The following EYA1 variants were observed in gnomAD, a reference collection of about 807,000 sequenced individuals.
EYA1 encodes the protein EYA transcriptional coactivator and phosphatase 1.
Under a neutral mutation model 82.0 loss-of-function variants are expected in EYA1, and 16 were observed. The ratio of observed to expected loss-of-function variants is 0.20; its 90% CI spans 0.13 to 0.30. The LOEUF is 0.30. EYA1 is among the 10% of genes least tolerant of loss of function. The probability of loss-of-function intolerance (pLI) is 1.00; values close to 1 mark genes in which losing one functional copy is unlikely to be tolerated. For synonymous variants in EYA1, 261 were observed against 264.4 expected, an observed-to-expected ratio of 0.99 and a Z score of 0.12; for missense variants, 633 against 730.7, an observed-to-expected ratio of 0.87 and a Z score of 1.54.
intron 11 of EYA1, among the ~76,000 whole-genome samples, chr8:71,268,529 C>T (rs1450471580): frequency 6.6e-6 from 1 of 152,156 alleles, no homozygotes; most frequent in Non-Finnish European, 1.5e-5. Flanking sequence ...GCAGTAGAGA[C>T]CATTTGGCTG....
At chr8:71,286,887 C>G (rs1319047540) in intron 9 of EYA1, among the ~76,000 whole-genome samples, 2 of 148,846 alleles carry the variant, frequency 1.3e-5, no homozygotes, top group East Asian at 2.0e-4. Context: ...ACTGCAACCT[C>G]TGCCTCCTGG....
At chr8:71,465,905 T>G (rs1808738054) in intron 2 of EYA1, among the ~76,000 whole-genome samples, 1 of 152,122 alleles carries the variant, frequency 6.6e-6, no homozygotes, top group Admixed American at 6.5e-5. Flanking sequence ...ATTAGTTACC[T>G]ATAGTTTCCA....
chr8:71,331,283 C>CATAT (rs1290033969), intron 4 of EYA1, among the ~76,000 whole-genome samples: 75 of 113,694 alleles, frequency 6.6e-4, no homozygotes, highest in African/African-American at 2.2e-3. Context: ...CACACACACA[C>CATAT]ACATATATAT....
chr8:71,298,313 G>T lies in EYA1; in HGVS notation c.826+734C>A, dbSNP rs1819809118. ...GATAATAGCTTATTTTGTAATCCATGAAAGGTATGATTAACTCTTTAAAAA... is the reference window on the plus strand; with the variant it reads ...GATAATAGCTTATTTTGTAATCCATTAAAGGTATGATTAACTCTTTAAAAA... On this transcript the variant is annotated intron_variant, in intron 9 of 17. Transcript: ENST00000340726. Among the ~76,000 whole-genome samples, 4 of 152,144 alleles carry T rather than the reference G, an allele frequency of 2.6e-5. No individual in the cohort carries two copies. The South Asian group carries it at 8.3e-4, about 32-fold the overall frequency.
At chr8:71,537,116 T>G (rs1814768290) in intron 1 of EYA1, among the ~76,000 whole-genome samples, 1 of 152,220 alleles carries the variant, frequency 6.6e-6, no homozygotes, top group Non-Finnish European at 1.5e-5. Context: ...TTGCTCAACA[T>G]TATCAATGCT....
At position 71,254,027 on chromosome 8, in the gene EYA1, T is replaced by C. The variant is rs192556266; in HGVS notation, c.1051-9335A>G. 7.2e-5 allele frequency among the ~76,000 whole-genome samples: 11 copies of C among 152,220 alleles called. No individual in the cohort carries two copies. The East Asian group carries it at 2.1e-3, about 29-fold the overall frequency. ...TGGCAGCAAGGCTACAGATATTTGA[T>C]TCAGATCAATTAAGAATCTGTGGTT... On this transcript the variant is annotated intron_variant, in intron 11 of 17. Transcript: ENST00000340726.
intron 3 of EYA1, among the ~76,000 whole-genome samples, chr8:71,346,450 A>ATATC (rs1554561633): frequency 3.7e-5 from 5 of 134,836 alleles, no homozygotes; most frequent in African/African-American, 1.2e-4. Context: ...ATATATATAT[A>ATATC]TATATCTATA....
At chr8:71,335,844 T>A (rs184588387) in intron 3 of EYA1, among the ~76,000 whole-genome samples, 114 of 152,052 alleles carry the variant, frequency 7.5e-4, no homozygotes, top group Middle Eastern at 6.8e-3. Flanking sequence ...CCCATACACA[T>A]AAAGCAATCG....
intron 11 of EYA1, among the ~76,000 whole-genome samples, chr8:71,265,481 C>A (rs1417417844): frequency 6.6e-6 from 1 of 152,154 alleles, no homozygotes; most frequent in African/African-American, 2.4e-5. Flanking sequence ...TTTTTAAGAT[C>A]CATTCTAGCC....
In EYA1 at chr8:71,440,450, A is replaced by G. The variant is rs78735468; in HGVS notation, c.34-83939T>C. On this transcript the variant is annotated intron_variant, in intron 2 of 18. Transcript: ENST00000643681. Reference sequence around the variant, plus strand: ...GAGGACGTTAGGAGGAAGTCTTTATATGACTTAACTAATTAGACATGGGAA... The same window carrying G: ...GAGGACGTTAGGAGGAAGTCTTTATGTGACTTAACTAATTAGACATGGGAA... Among the ~76,000 whole-genome samples, 506 of 152,298 alleles carry G rather than the reference A, an allele frequency of 3.3e-3. 7 individuals carry two copies. Among genetic ancestry groups the G allele is most frequent in the African/African-American group, 0.012 (488 of 41,552 alleles).
chr8:71,355,016 A>G, intron 2 of EYA1, 107 bp from the exon 3 acceptor site: 1 of 1,104,090 alleles, frequency 9.1e-7, no homozygotes, highest in Non-Finnish European at 1.4e-6. Flanking sequence ...CAAAAGTCCC[A>G]TTGTATCTAT....
intron 2 of EYA1, among the ~76,000 whole-genome samples, chr8:71,407,128 C>A (rs1200590430): frequency 5.5e-5 from 7 of 127,564 alleles, no homozygotes; most frequent in Non-Finnish European, 1.2e-4. Context: ...ACACCTCACA[C>A]GGCAGGGTAT....
chr8:71,199,556 C>A, intron 17 of EYA1, 136 bp from the exon 18 acceptor site: 1 of 693,772 alleles, frequency 1.4e-6, no homozygotes, highest in Non-Finnish European at 2.6e-6. Flanking sequence ...AACATCACAT[C>A]TGTTTAAAAC....
intron 2 of EYA1, among the ~76,000 whole-genome samples, chr8:71,452,343 G>C (rs1377417041): frequency 2.0e-5 from 3 of 152,322 alleles, no homozygotes; most frequent in Middle Eastern, 3.4e-3. Context: ...ACCTCTGGGG[G>C]CAGGGCATAG....
At chr8:71,537,142 A>C (rs1250757994) in intron 1 of EYA1, among the ~76,000 whole-genome samples, 1 of 152,210 alleles carries the variant, frequency 6.6e-6, no homozygotes, top group Non-Finnish European at 1.5e-5. Context: ...TGTATGCCCA[A>C]TCCACTGTCA....
intron 2 of EYA1, among the ~76,000 whole-genome samples, chr8:71,356,002 C>A (rs543513428): frequency 1.5e-4 from 23 of 152,222 alleles, no homozygotes; most frequent in Non-Finnish European, 3.1e-4. Flanking sequence ...TTAATGTTTA[C>A]ATATATAAAG....
intron 3 of EYA1, among the ~76,000 whole-genome samples, chr8:71,338,816 C>G (rs571658615): frequency 7.7e-4 from 117 of 152,314 alleles, no homozygotes; most frequent in African/African-American, 2.7e-3. Flanking sequence ...AAGGCAGCAG[C>G]CTTGGTGAGC....
At chr8:71,328,562 T>G (rs115676676) in intron 4 of EYA1, among the ~76,000 whole-genome samples, 224 of 152,336 alleles carry the variant, frequency 1.5e-3, no homozygotes, top group African/African-American at 5.2e-3. Flanking sequence ...TTTTTCAAGT[T>G]GAGGCTGCTT....
rs1473640886 is a variant in EYA1 at position 71,269,803 on chromosome 8, C to T, written c.987G>A (p.Leu329=). The T allele has an allele frequency of 6.2e-7, 1 of 1,613,508 alleles. No individual in the cohort carries two copies. The highest frequency in any genetic ancestry group is 1.3e-5 in the African/African-American group (1 of 74,906). Residue 329 remains leucine, a synonymous_variant, in exon 11 of 18, where the codon TTG becomes TTA. Coordinates refer to ENST00000340726, the MANE Select transcript of EYA1 (RefSeq NM_000503.6). ...AGTGGAAAACAATGATTGTCTCATC[C>T]AAGTCCCAGATGAACACTCTCTACA... The part of the protein sequence containing the change: ...SDLERVFIWD[L]DETIIVFHSL...
Sources: allele counts gnomAD v4.1 joint callset (sites outside exome capture counted in the v4.1 genomes callset), GRCh38; gene constraint gnomAD v4.1.1; transcripts MANE v1.5; gene names NCBI Gene and HGNC (gene_info 2026-07-23, HGNC 2026-07-21).